Variants in PDE10A observed in about 807,000 individuals in gnomAD.
PDE10A encodes cAMP and cAMP-inhibited cGMP 3',5'-cyclic phosphodiesterase 10A.
PDE10A carries 39 observed loss-of-function variants against 97.7 expected under a neutral mutation model. The ratio of observed to expected loss-of-function variants is 0.40; its 90% confidence interval spans 0.31 to 0.52. PDE10A has a LOEUF of 0.52. Ranked by LOEUF, PDE10A falls within the 20% of genes least tolerant of loss-of-function variation. PDE10A has a pLI of 0.56. For missense variants in PDE10A, 731 were observed against 1,047.8 expected, an observed-to-expected ratio of 0.70 and a Z score of 4.17; for synonymous variants, 371 against 376.8, an observed-to-expected ratio of 0.98 and a Z score of 0.18.
At chr6:165,414,627 A>G (rs900683480) in intron 12 of PDE10A, among the ~76,000 whole-genome samples, 1 of 152,188 alleles carries the variant, frequency 6.6e-6, no homozygotes, top group Non-Finnish European at 1.5e-5. Context: ...TTCTGCTTTG[A>G]AGGTTTGCAT....
Position 165,563,942 on chromosome 6 carries a change from C to A in PDE10A, c.866-20374G>T, listed in dbSNP as rs1195282279. Among the ~76,000 whole-genome samples, 3 of 151,538 alleles carry A rather than the reference C, an allele frequency of 2.0e-5. No individual in the cohort carries two copies. The East Asian group carries it at 5.8e-4, about 29-fold the overall frequency. On this transcript the variant is annotated intron_variant, in intron 1 of 21. Coordinates refer to ENST00000539869, the MANE Select transcript of PDE10A (RefSeq NM_001385079.1). ...TGATACAAATGAAAACATACATGTA[C>A]CTACAGATATAAACACAAACCCATC... is the stretch of plus-strand genomic sequence containing the variant.
intron 1 of PDE10A, among the ~76,000 whole-genome samples, chr6:165,649,494 C>G (rs901499294): frequency 2.0e-5 from 3 of 152,000 alleles, no homozygotes; most frequent in Non-Finnish European, 4.4e-5. Flanking sequence ...CATGAAGGCC[C>G]AGCCAGAGGG....
chr6:165,465,308 T>C (rs1778574233), intron 3 of PDE10A, among the ~76,000 whole-genome samples: 1 of 152,206 alleles, frequency 6.6e-6, no homozygotes, highest in Non-Finnish European at 1.5e-5. Context: ...AGGCCACTGA[T>C]TCTTTGCAAA....
chr6:165,953,960 A>T (rs2128495912), intron 1 of PDE10A, among the ~76,000 whole-genome samples: 1 of 152,126 alleles, frequency 6.6e-6, no homozygotes, highest in East Asian at 1.9e-4. Flanking sequence ...TGATCTTTTT[A>T]ATGTCTCCAT....
intron 1 of PDE10A, among the ~76,000 whole-genome samples, chr6:165,945,112 G>A (rs527574276): frequency 4.8e-4 from 73 of 152,260 alleles, no homozygotes; most frequent in African/African-American, 1.7e-3. Flanking sequence ...TTGAAATCAG[G>A]CTCTAAAGAC....
At chr6:165,376,240 G>A (rs531410643) in intron 18 of PDE10A, among the ~76,000 whole-genome samples, 2 of 152,342 alleles carry the variant, frequency 1.3e-5, no homozygotes, top group Admixed American at 1.3e-4. Context: ...GGTAGTCAAA[G>A]CTTCAAGACT....
intron 1 of PDE10A, among the ~76,000 whole-genome samples, chr6:165,637,638 G>C (rs535261945): frequency 6.6e-6 from 1 of 152,180 alleles, no homozygotes; most frequent in Admixed American, 6.5e-5. Flanking sequence ...ATCATGTTAA[G>C]TGGCAAAAGG....
At chr6:165,652,805 A>G (rs1048746263) in intron 1 of PDE10A, among the ~76,000 whole-genome samples, 3 of 152,242 alleles carry the variant, frequency 2.0e-5, no homozygotes, top group African/African-American at 4.8e-5. Flanking sequence ...TCAGCCCTTC[A>G]TAAGCAACAC....
chr6:165,753,033 G>A (rs896518388), intron 1 of PDE10A, among the ~76,000 whole-genome samples: 2 of 152,124 alleles, frequency 1.3e-5, no homozygotes, highest in Non-Finnish European at 2.9e-5. Context: ...ATTTTACAAC[G>A]TATGCATGTA....
In PDE10A at chr6:165,645,305, C is replaced by CT. The variant is rs566918284; in HGVS notation, c.865+16641dup. On this transcript the variant is annotated intron_variant, in intron 1 of 21. Transcript: ENST00000539869. ...TTTTACTGGCTCTCCCTTCTTGCCCCTGACCCCTTGCTTCACTCCCTACTC... is the reference window on the plus strand; with the variant it reads ...TTTTACTGGCTCTCCCTTCTTGCCCCTTGACCCCTTGCTTCACTCCCTACTC... Among the ~76,000 whole-genome samples, 203 of 152,316 alleles carry CT rather than the reference C, an allele frequency of 1.3e-3. 2 individuals are homozygous for CT. The highest frequency in any genetic ancestry group is 4.8e-3 in the African/African-American group (198 of 41,576).
chr6:165,825,649 G>C (rs185525515), intron 1 of PDE10A, among the ~76,000 whole-genome samples: 7 of 152,346 alleles, frequency 4.6e-5, no homozygotes, highest in African/African-American at 1.4e-4. Flanking sequence ...CTGGGGAAGA[G>C]AGCAAGACTG....
chr6:165,791,790 C>T (rs548134184), intron 1 of PDE10A, among the ~76,000 whole-genome samples: 2 of 152,178 alleles, frequency 1.3e-5, no homozygotes, highest in Admixed American at 6.5e-5. Flanking sequence ...TTAGGAAAAG[C>T]GTTTCTTGGG....
At chr6:165,387,901 TA>T (rs1317058188) in intron 17 of PDE10A, among the ~76,000 whole-genome samples, 2 of 152,086 alleles carry the variant, frequency 1.3e-5, no homozygotes, top group East Asian at 1.9e-4. Flanking sequence ...ACATACAGTG[TA>T]AAAAAAGAAA....
intron 1 of PDE10A, among the ~76,000 whole-genome samples, chr6:165,545,960 T>C (rs1476389065): frequency 1.3e-5 from 2 of 151,980 alleles, no homozygotes; most frequent in Non-Finnish European, 2.9e-5. Context: ...AAAACCTCCA[T>C]GTGAGTGTTT....
At chr6:165,428,603 A>C in intron 10 of PDE10A, 55 bp downstream of exon 10, 1 of 739,944 alleles carries the variant, frequency 1.4e-6, no homozygotes, top group Admixed American at 2.4e-5. Flanking sequence ...GCCATATATT[A>C]GCACCATGGG....
rs556845564 is a variant in PDE10A, at chr6:165,836,419, G to A, written c.-615+151110C>T. Among the ~76,000 whole-genome samples, 96 of 152,316 alleles carry A rather than the reference G, an allele frequency of 6.3e-4. 1 individual carries two copies. The highest frequency in any genetic ancestry group is 6.8e-4 in the Non-Finnish European group (46 of 68,038). On this transcript the variant is annotated intron_variant, in intron 1 of 19. Transcript: ENST00000366882. ...TCTTTCTGAGCTGCTAACCCCATGG[G>A]GCAAGCCCTTCGGCCTCCATGACTA...
chr6:165,831,910 G>A (rs1378636235), intron 1 of PDE10A, among the ~76,000 whole-genome samples: 2 of 151,772 alleles, frequency 1.3e-5, no homozygotes, highest in Non-Finnish European at 2.9e-5. Flanking sequence ...TCCCCCTTAC[G>A]TCTTCTACTC....
intron 2 of PDE10A, among the ~76,000 whole-genome samples, chr6:165,525,007 C>A (rs1782345302): frequency 6.6e-6 from 1 of 152,148 alleles, no homozygotes; most frequent in Admixed American, 6.6e-5. Flanking sequence ...ATAAACCCTG[C>A]ACTGCTTGAG....
intron 3 of PDE10A, among the ~76,000 whole-genome samples, chr6:165,458,108 T>C (rs1407850568): frequency 1.3e-5 from 2 of 152,216 alleles, no homozygotes; most frequent in Non-Finnish European, 2.9e-5. Flanking sequence ...AAATATCTTC[T>C]CATCATTTTT....
Sources: gnomAD v4.1 joint callset for allele counts (sites outside exome capture counted in the v4.1 genomes callset) on GRCh38, gnomAD v4.1.1 for gene constraint, MANE v1.5 for transcripts, NCBI Gene and HGNC (gene_info 2026-07-23, HGNC 2026-07-21) for gene names.